Variants in IL1RAPL1 observed in about 807,000 individuals in gnomAD.
IL1RAPL1 encodes the protein interleukin-1 receptor accessory protein-like 1.
IL1RAPL1 carries 3 observed loss-of-function variants against 48.4 expected under a neutral mutation model. The observed-to-expected ratio is 0.06, with a 90% CI of 0.03 to 0.16. The LOEUF (loss-of-function observed/expected upper bound fraction) is 0.16, where lower values mean the gene tolerates loss of function less well. IL1RAPL1 is among the 10% of genes least tolerant of loss of function. The pLI is 1.00. For missense variants in IL1RAPL1, 349 were observed against 530.6 expected (o/e 0.66, Z 3.36); for synonymous variants, 185 against 187.7 (o/e 0.99, Z 0.12).
intron 5 of IL1RAPL1, among the ~76,000 whole-genome samples, chrX:29,635,212 T>C (rs1396405304): frequency 9.0e-6 from 1 of 111,707 alleles, no homozygotes; most frequent in Non-Finnish European, 1.9e-5. Flanking sequence ...TGGTTTTCCA[T>C]GTTTAAAGGG....
chrX:29,773,757 ATGTG>A (rs760237537), intron 6 of IL1RAPL1, among the ~76,000 whole-genome samples: 2 of 110,290 alleles, frequency 1.8e-5, no homozygotes, highest in African/African-American at 6.6e-5. Context: ...GTGGGTGTGT[ATGTG>A]TGTGTGTGTG....
chrX:29,928,702 A>G (rs192590511), intron 8 of IL1RAPL1, among the ~76,000 whole-genome samples: 1 of 111,882 alleles, frequency 8.9e-6, no homozygotes, highest in African/African-American at 3.2e-5. Flanking sequence ...GGGAAGAGGG[A>G]GATAGCTGTG....
At chrX:29,547,625 G>A (rs965206093) in intron 5 of IL1RAPL1, among the ~76,000 whole-genome samples, 6 of 111,088 alleles carry the variant, frequency 5.4e-5, no homozygotes, top group African/African-American at 1.3e-4. Flanking sequence ...TTTCATCTTC[G>A]GTAGCATTAT....
At chrX:29,209,124 TG>T (rs751634776) in intron 2 of IL1RAPL1, among the ~76,000 whole-genome samples, 1 of 112,053 alleles carries the variant, frequency 8.9e-6, no homozygotes, top group Non-Finnish European at 1.9e-5. Context: ...GTCATTGTTT[TG>T]ATATAAGGTG....
intron 6 of IL1RAPL1, among the ~76,000 whole-genome samples, chrX:29,850,816 T>C (rs1385841340): frequency 8.9e-6 from 1 of 112,312 alleles, no homozygotes; most frequent in Non-Finnish European, 1.9e-5. Context: ...AGTCTAAGAT[T>C]ATTCAATAAT....
intron 2 of IL1RAPL1, among the ~76,000 whole-genome samples, chrX:28,843,056 A>G (rs1921415430): frequency 9.0e-6 from 1 of 110,810 alleles, no homozygotes; most frequent in African/African-American, 3.3e-5. Flanking sequence ...TTTATGGATA[A>G]AGTTGAAATA....
At chrX:29,766,116 G>A (rs929125699) in intron 6 of IL1RAPL1, among the ~76,000 whole-genome samples, 1 of 107,790 alleles carries the variant, frequency 9.3e-6, no homozygotes, top group Admixed American at 1.0e-4. Flanking sequence ...GGATCATGGG[G>A]TCAAGAGATT....
At chrX:29,872,137 T>G (rs975499000) in intron 6 of IL1RAPL1, among the ~76,000 whole-genome samples, 8 of 112,300 alleles carry the variant, frequency 7.1e-5, no homozygotes, top group Non-Finnish European at 1.3e-4. Flanking sequence ...TCACCAAACC[T>G]TCTATCCGTT....
intron 2 of IL1RAPL1, among the ~76,000 whole-genome samples, chrX:28,791,964 A>T (rs1262826635): frequency 3.6e-5 from 4 of 111,821 alleles, no homozygotes; most frequent in African/African-American, 1.3e-4. Flanking sequence ...TCCTTGAAAG[A>T]TTAATAGCTC....
chrX:28,877,984 TAGAA>T (rs1243372703), intron 2 of IL1RAPL1, among the ~76,000 whole-genome samples: 4 of 112,116 alleles, frequency 3.6e-5, no homozygotes, highest in Non-Finnish European at 7.5e-5. Context: ...GAGCATTTAA[TAGAA>T]ATAAATAGTA....
intron 3 of IL1RAPL1, among the ~76,000 whole-genome samples, chrX:29,355,056 T>A (rs756474547): frequency 2.7e-5 from 3 of 111,912 alleles, no homozygotes; most frequent in Non-Finnish European, 3.8e-5. Context: ...TAAGGTTTTT[T>A]ATGCAGATTT....
Position 29,312,480 on chromosome X carries a change from G to A in IL1RAPL1, c.362+29263G>A, listed in dbSNP as rs745984470. ...TATTTCTCTTATTCCCCTCCCCAGG[G>A]TTTGACACTTAGTCTGTCTTATTCA... On this transcript the variant is annotated intron_variant, in intron 3 of 10. Transcript: ENST00000378993. Among the ~76,000 whole-genome samples the A allele has an allele frequency of 9.9e-5, 11 of 111,364 alleles. No individual in the cohort carries two copies. In the South Asian group the frequency reaches 3.8e-3, roughly 39 times the overall value.
chrX:28,807,522 C>A (rs750150322), intron 2 of IL1RAPL1, among the ~76,000 whole-genome samples: 7 of 111,212 alleles, frequency 6.3e-5, no homozygotes, highest in Non-Finnish European at 1.1e-4. Flanking sequence ...TAATGAATTT[C>A]ATTTGTGCAG....
intron 1 of IL1RAPL1, among the ~76,000 whole-genome samples, chrX:28,616,254 G>A (rs1257519907): frequency 2.7e-5 from 3 of 112,084 alleles, no homozygotes; most frequent in Admixed American, 9.4e-5. Flanking sequence ...GTCTGAATAT[G>A]TAGACTTCTT....
intron 2 of IL1RAPL1, among the ~76,000 whole-genome samples, chrX:29,007,729 G>A (rs1463921595): frequency 9.0e-6 from 1 of 111,689 alleles, no homozygotes; most frequent in Non-Finnish European, 1.9e-5. Flanking sequence ...AAGCAAAAGT[G>A]AAAAATATTA....
intron 5 of IL1RAPL1, among the ~76,000 whole-genome samples, chrX:29,656,418 C>T (rs188569386): frequency 7.8e-4 from 86 of 110,540 alleles, no homozygotes; most frequent in African/African-American, 2.8e-3. Flanking sequence ...CCCGCACTCC[C>T]CTCCCATCCT....
At chrX:28,850,406 G>A (rs939082759) in intron 2 of IL1RAPL1, among the ~76,000 whole-genome samples, 8 of 108,906 alleles carry the variant, frequency 7.3e-5, no homozygotes, top group African/African-American at 1.4e-4. Flanking sequence ...GTGACAGAGT[G>A]CAGCAGCAGG....
chrX:29,913,136 G>C (rs1214372689), intron 6 of IL1RAPL1, among the ~76,000 whole-genome samples: 1 of 111,145 alleles, frequency 9.0e-6, no homozygotes, highest in Non-Finnish European at 1.9e-5. Flanking sequence ...TAGAGACTCA[G>C]GTGTGAGCTT....
chrX:29,716,880 AT>A (rs904699411), intron 6 of IL1RAPL1, among the ~76,000 whole-genome samples: 3 of 111,234 alleles, frequency 2.7e-5, no homozygotes, highest in Non-Finnish European at 5.7e-5. Context: ...AAGGGAACTG[AT>A]TTGAATGTAA....
Sources: gnomAD v4.1 joint callset for allele counts (sites outside exome capture counted in the v4.1 genomes callset) on GRCh38, gnomAD v4.1.1 for gene constraint, MANE v1.5 for transcripts, NCBI Gene and HGNC (gene_info 2026-07-23, HGNC 2026-07-21) for gene names.